Variants in ENTREP2 observed in about 807,000 individuals in gnomAD.
The protein encoded by ENTREP2 is protein ENTREP2.
At chr15:29,185,317 C>G in the ENTREP2 span, among the ~76,000 whole-genome samples, 1 of 152,106 alleles carries the variant, frequency 6.6e-6, no homozygotes, top group Non-Finnish European at 1.5e-5. Context: ...CTCCATGCAT[C>G]TCTGAATTCA....
the ENTREP2 span, among the ~76,000 whole-genome samples, chr15:29,411,635 G>C: frequency 6.6e-6 from 1 of 152,080 alleles, no homozygotes; most frequent in Non-Finnish European, 1.5e-5. Flanking sequence ...TGCTTTCTTC[G>C]TGATGTCTTT....
chr15:29,345,353 G>C, the ENTREP2 span, among the ~76,000 whole-genome samples: 2 of 152,100 alleles, frequency 1.3e-5, no homozygotes, highest in Admixed American at 6.5e-5. Context: ...AGCCGAGTGG[G>C]GCTAGCGGGG....
the ENTREP2 span, among the ~76,000 whole-genome samples, chr15:29,418,548 T>C: frequency 6.6e-6 from 1 of 152,196 alleles, no homozygotes; most frequent in Non-Finnish European, 1.5e-5. Context: ...CAGTTATATG[T>C]CTTATTCACA....
chr15:29,345,868 C>T, the ENTREP2 span, among the ~76,000 whole-genome samples: 2 of 152,210 alleles, frequency 1.3e-5, no homozygotes, highest in African/African-American at 2.4e-5. Context: ...AAAAGCACGT[C>T]CCCGTGAGGC....
the ENTREP2 span, among the ~76,000 whole-genome samples, chr15:29,259,887 A>T: frequency 1.3e-5 from 2 of 152,160 alleles, no homozygotes; most frequent in Admixed American, 6.5e-5. Context: ...ACCTCTGTAC[A>T]AATTGAAGTT....
At chr15:29,600,892 A>ATTTTTT in the ENTREP2 span, among the ~76,000 whole-genome samples, 3 of 97,950 alleles carry the variant, frequency 3.1e-5, 1 homozygote, top group African/African-American at 2.1e-4. Context: ...GGAAAATATG[A>ATTTTTT]TTTTTCTTTC....
chr15:29,344,842 T>C, the ENTREP2 span, among the ~76,000 whole-genome samples: 1 of 151,624 alleles, frequency 6.6e-6, no homozygotes, highest in Admixed American at 6.6e-5. Flanking sequence ...AGGAGTGCCC[T>C]GCTAAAAGAA....
the ENTREP2 span, among the ~76,000 whole-genome samples, chr15:29,425,800 A>G: frequency 1.8e-4 from 28 of 152,166 alleles, no homozygotes; most frequent in African/African-American, 6.5e-4. Flanking sequence ...TCAATAGCAT[A>G]GATATCTATA....
the ENTREP2 span, among the ~76,000 whole-genome samples, chr15:29,182,068 G>C: frequency 2.0e-5 from 3 of 151,472 alleles, no homozygotes; most frequent in Non-Finnish European, 4.4e-5. Flanking sequence ...TAAATAAAAA[G>C]TCCTAAACAA....
the ENTREP2 span, among the ~76,000 whole-genome samples, chr15:29,416,623 C>T: frequency 6.6e-6 from 1 of 152,048 alleles, no homozygotes; most frequent in Non-Finnish European, 1.5e-5. Context: ...AAAGCAATGG[C>T]AACAAAAGCC....
the ENTREP2 span, among the ~76,000 whole-genome samples, chr15:29,671,791 G>A: frequency 6.6e-6 from 1 of 152,082 alleles, no homozygotes; most frequent in Non-Finnish European, 1.5e-5. Flanking sequence ...GTTTGGACAG[G>A]TGATCCCAGC....
the ENTREP2 span, among the ~76,000 whole-genome samples, chr15:29,321,962 A>G: frequency 6.6e-6 from 1 of 152,016 alleles, no homozygotes; most frequent in Admixed American, 6.5e-5. Context: ...CATCCTGCAC[A>G]TGTACCCCAG....
the ENTREP2 span, among the ~76,000 whole-genome samples, chr15:29,542,752 A>C: frequency 0.38 from 58,360 of 152,094 alleles, 11,300 homozygotes; most frequent in African/African-American, 0.42. Flanking sequence ...CTGTCCCTGG[A>C]AACCACCATC....
the ENTREP2 span, among the ~76,000 whole-genome samples, chr15:29,188,047 G>A: frequency 1.3e-5 from 2 of 152,134 alleles, no homozygotes; most frequent in Non-Finnish European, 2.9e-5. Context: ...AGAGAGGGGC[G>A]GTATCGCACA....
chr15:29,561,773 C>G, the ENTREP2 span, among the ~76,000 whole-genome samples: 1 of 152,038 alleles, frequency 6.6e-6, no homozygotes, highest in South Asian at 2.1e-4. Context: ...TGGCAATCAT[C>G]GTAGAGGAGG....
chr15:29,389,399 G>A, the ENTREP2 span, among the ~76,000 whole-genome samples: 6 of 152,034 alleles, frequency 3.9e-5, no homozygotes, highest in Non-Finnish European at 5.9e-5. Context: ...AGGAGGGGCA[G>A]CACAGGCTTC....
At chr15:29,550,866 T>C in the ENTREP2 span, among the ~76,000 whole-genome samples, 31 of 152,150 alleles carry the variant, frequency 2.0e-4, no homozygotes, top group African/African-American at 7.0e-4. Flanking sequence ...ACATCATCTT[T>C]CCTGAGCTCT....
the ENTREP2 span, among the ~76,000 whole-genome samples, chr15:29,636,086 A>G: frequency 4.9e-4 from 75 of 152,330 alleles, 1 homozygote; most frequent in East Asian, 0.014. Context: ...AAGAAAGAGA[A>G]ACTCTGCCTG....
the ENTREP2 span, among the ~76,000 whole-genome samples, chr15:29,601,192 C>T: frequency 6.6e-4 from 98 of 148,900 alleles, 2 homozygotes; most frequent in South Asian, 0.018. Context: ...CCACCGCGCC[C>T]GGCCTGATTT....
Sources: allele counts gnomAD v4.1 joint callset (sites outside exome capture counted in the v4.1 genomes callset), GRCh38; gene constraint gnomAD v4.1.1; transcripts MANE v1.5; gene names NCBI Gene and HGNC (gene_info 2026-07-23, HGNC 2026-07-21).